Variants in TAS2R1 observed in about 807,000 individuals in gnomAD.
TAS2R1 encodes taste receptor type 2 member 1.
For synonymous variants in TAS2R1, 141 were observed against 134.2 expected, an observed-to-expected ratio of 1.05 and a Z score of -0.35; for missense variants, 370 against 353.4, an observed-to-expected ratio of 1.05 and a Z score of -0.38.
At chr5:9,630,403 T>C (rs2234228), upstream of TAS2R1, 4,012 of 176,288 alleles carry the variant, frequency 0.023, 178 homozygotes, top group African/African-American at 0.089. Flanking sequence ...ATCTCTACTA[T>C]GAATAATTGA....
intron 2 of TAS2R1, among the ~76,000 whole-genome samples, chr5:9,647,724 C>T (rs79443300): frequency 0.038 from 5,716 of 152,160 alleles, 163 homozygotes; most frequent in African/African-American, 0.077. Flanking sequence ...TACAGATAGA[C>T]GCCATGATAA....
At chr5:9,763,213 TA>T in the TAS2R1 span, among the ~76,000 whole-genome samples, 22 of 152,114 alleles carry the variant, frequency 1.4e-4, no homozygotes, top group Non-Finnish European at 2.8e-4. Context: ...CTGTTAGAAA[TA>T]TTATGTATGG....
chr5:9,866,269 C>T, the TAS2R1 span, among the ~76,000 whole-genome samples: 8 of 152,242 alleles, frequency 5.3e-5, no homozygotes, highest in African/African-American at 1.9e-4. Flanking sequence ...CTGCTGAAAT[C>T]CTTCATCTTG....
intron 2 of TAS2R1, among the ~76,000 whole-genome samples, chr5:9,646,931 C>T (rs1035466922): frequency 6.6e-6 from 1 of 152,148 alleles, no homozygotes; most frequent in Admixed American, 6.6e-5. Flanking sequence ...TTTAGGAAGT[C>T]ATTGCTAGCC....
the TAS2R1 span, among the ~76,000 whole-genome samples, chr5:9,892,675 T>A: frequency 6.6e-6 from 1 of 152,104 alleles, no homozygotes; most frequent in Non-Finnish European, 1.5e-5. Context: ...TTGACCCCCC[T>A]CCACTGACCC....
At chr5:9,758,825 C>T in the TAS2R1 span, among the ~76,000 whole-genome samples, 1 of 152,154 alleles carries the variant, frequency 6.6e-6, no homozygotes, top group Admixed American at 6.5e-5. Context: ...TAAATCCTGT[C>T]GTCTCCCTGG....
At chr5:9,846,440 G>A in the TAS2R1 span, among the ~76,000 whole-genome samples, 3 of 152,184 alleles carry the variant, frequency 2.0e-5, no homozygotes, top group South Asian at 2.1e-4. Flanking sequence ...TGTGTCTCCC[G>A]GACACGCTAT....
At chr5:9,703,068 G>C (rs1408353891) in intron 1 of TAS2R1, among the ~76,000 whole-genome samples, 1 of 152,142 alleles carries the variant, frequency 6.6e-6, no homozygotes, top group Non-Finnish European at 1.5e-5. Flanking sequence ...GACCACAGTT[G>C]GGCTGACACT....
At chr5:9,709,228 T>C (rs78753883) in intron 1 of TAS2R1, among the ~76,000 whole-genome samples, 2,207 of 149,884 alleles carry the variant, frequency 0.015, 59 homozygotes, top group African/African-American at 0.051. Flanking sequence ...TTTCCAGAAA[T>C]ACCTTCCACA....
the TAS2R1 span, among the ~76,000 whole-genome samples, chr5:9,856,539 T>G: frequency 6.6e-6 from 1 of 152,162 alleles, no homozygotes; most frequent in Admixed American, 6.5e-5. Context: ...ATTATAGACA[T>G]TAGCTACAGC....
At chr5:9,668,795 T>C (rs1345985588) in intron 1 of TAS2R1, among the ~76,000 whole-genome samples, 2 of 151,932 alleles carry the variant, frequency 1.3e-5, no homozygotes, top group Non-Finnish European at 1.5e-5. Context: ...CATTACTAGC[T>C]AGCACAAAAG....
At chr5:9,725,209 C>T in the TAS2R1 span, among the ~76,000 whole-genome samples, 13 of 152,216 alleles carry the variant, frequency 8.5e-5, no homozygotes, top group African/African-American at 3.1e-4. Flanking sequence ...CCCACTGTGG[C>T]GGCACTTGAG....
the TAS2R1 span, among the ~76,000 whole-genome samples, chr5:9,766,166 A>T: frequency 6.6e-6 from 1 of 152,260 alleles, no homozygotes; most frequent in African/African-American, 2.4e-5. Context: ...CAGAAAAGCA[A>T]TATAATGGAA....
chr5:9,890,519 A>T, the TAS2R1 span, among the ~76,000 whole-genome samples: 1 of 152,184 alleles, frequency 6.6e-6, no homozygotes, highest in Non-Finnish European at 1.5e-5. Flanking sequence ...ATATCATTGT[A>T]GGGCTCATGT....
chr5:9,641,511 G>A (rs1396095277), intron 2 of TAS2R1: 1 of 152,158 alleles, frequency 6.6e-6, no homozygotes, highest in East Asian at 1.9e-4. Flanking sequence ...TTACCCTGGA[G>A]GATGGAAAAA....
At chr5:9,863,974 G>A in the TAS2R1 span, among the ~76,000 whole-genome samples, 4 of 152,186 alleles carry the variant, frequency 2.6e-5, no homozygotes, top group Admixed American at 2.6e-4. Context: ...TCGGGTGAAA[G>A]CTAGATTAGA....
the TAS2R1 span, among the ~76,000 whole-genome samples, chr5:9,811,119 T>C: frequency 4.1e-4 from 62 of 152,228 alleles, no homozygotes; most frequent in African/African-American, 4.8e-4. Context: ...GAGAGTAACG[T>C]CCTCATAAAC....
At chr5:9,717,190 T>A (rs1734830550), upstream of TAS2R1, among the ~76,000 whole-genome samples, 1 of 152,156 alleles carries the variant, frequency 6.6e-6, no homozygotes, top group South Asian at 2.1e-4. Flanking sequence ...GACTTGGAGA[T>A]GCATAGGAAG....
At chr5:9,820,135 A>C in the TAS2R1 span, among the ~76,000 whole-genome samples, 1 of 152,120 alleles carries the variant, frequency 6.6e-6, no homozygotes, top group Non-Finnish European at 1.5e-5. Context: ...CCTTCTTTTA[A>C]AGAGCATTCC....
Sources: gnomAD v4.1 joint callset for allele counts (sites outside exome capture counted in the v4.1 genomes callset) on GRCh38, gnomAD v4.1.1 for gene constraint, MANE v1.5 for transcripts, NCBI Gene and HGNC (gene_info 2026-07-23, HGNC 2026-07-21) for gene names.